MYO3B: variants seen among roughly 807,000 people sequenced by gnomAD.
MYO3B encodes myosin-IIIb.
Under a neutral mutation model 174.6 loss-of-function variants are expected in MYO3B, and 156 were observed. That is an observed-to-expected ratio of 0.89 (90% CI 0.78 to 1.02). The LOEUF is 1.02. MYO3B is among the 50% of genes least tolerant of loss of function. The probability of loss-of-function intolerance (pLI) is 0.00; values close to 1 mark genes in which losing one functional copy is unlikely to be tolerated. For synonymous variants in MYO3B, 563 were observed against 569.1 expected, an observed-to-expected ratio of 0.99 and a Z score of 0.15; for missense variants, 1,632 against 1,639.4, an observed-to-expected ratio of 1.00 and a Z score of 0.08.
At chr2:170,422,587 T>A (rs746658338) in intron 22 of MYO3B, among the ~76,000 whole-genome samples, 4 of 152,008 alleles carry the variant, frequency 2.6e-5, no homozygotes, top group South Asian at 2.1e-4. Flanking sequence ...GCCTCCCAAG[T>A]GGCCAGGATT....
chr2:170,422,977 C>CTTTTTTTTTTTTTTTTTT (rs34882424), intron 22 of MYO3B, among the ~76,000 whole-genome samples: 13 of 88,506 alleles, frequency 1.5e-4, no homozygotes, highest in South Asian at 4.2e-4. Context: ...TTCTTTCTTT[C>CTTTTTTTTTTTTTTTTTT]TTTTTTTTTT....
At chr2:170,192,950 T>C (rs986800195) in intron 1 of MYO3B, among the ~76,000 whole-genome samples, 2 of 151,786 alleles carry the variant, frequency 1.3e-5, no homozygotes, top group Non-Finnish European at 2.9e-5. Context: ...GCTTAATGTA[T>C]TCCTTATTTT....
intron 32 of MYO3B, among the ~76,000 whole-genome samples, chr2:170,584,859 T>G (rs78342729): frequency 0.013 from 1,978 of 152,362 alleles, 42 homozygotes; most frequent in African/African-American, 0.045. Context: ...TGAAATAAAT[T>G]TTCAGTAGAC....
At chr2:170,488,802 C>A (rs1483519703) in intron 25 of MYO3B, among the ~76,000 whole-genome samples, 1 of 152,192 alleles carries the variant, frequency 6.6e-6, no homozygotes, top group Non-Finnish European at 1.5e-5. Flanking sequence ...CTCTAATAAT[C>A]TGATAACTCA....
intron 25 of MYO3B, among the ~76,000 whole-genome samples, chr2:170,487,028 C>T (rs1686111431): frequency 6.6e-6 from 1 of 152,192 alleles, no homozygotes; most frequent in Non-Finnish European, 1.5e-5. Context: ...TCCCAAGGTC[C>T]AGCCCCAGAG....
intron 23 of MYO3B, among the ~76,000 whole-genome samples, chr2:170,447,599 A>G (rs1352652034): frequency 6.6e-6 from 1 of 152,222 alleles, no homozygotes; most frequent in Non-Finnish European, 1.5e-5. Context: ...TCAGACTTTT[A>G]TTTTATAAGT....
intron 6 of MYO3B, among the ~76,000 whole-genome samples, chr2:170,220,978 C>CT (rs917244429): frequency 2.6e-5 from 4 of 152,160 alleles, no homozygotes; most frequent in African/African-American, 9.7e-5. Context: ...AACAAAGTCT[C>CT]TTTTTGCGCC....
intron 7 of MYO3B, among the ~76,000 whole-genome samples, chr2:170,279,610 T>G (rs2093491184): frequency 6.6e-6 from 1 of 152,114 alleles, no homozygotes; most frequent in Non-Finnish European, 1.5e-5. Context: ...CTTCTCTCCC[T>G]CCTCCCACCC....
intron 14 of MYO3B, among the ~76,000 whole-genome samples, chr2:170,387,737 T>C (rs36032489): frequency 0.31 from 47,794 of 151,974 alleles, 8,723 homozygotes; most frequent in Non-Finnish European, 0.42. Context: ...GTAATAGAAA[T>C]CAATAGCACA....
intron 8 of MYO3B, among the ~76,000 whole-genome samples, chr2:170,364,924 G>A (rs2094186958): frequency 6.6e-6 from 1 of 152,208 alleles, no homozygotes; most frequent in Non-Finnish European, 1.5e-5. Flanking sequence ...GAAGGTCAGT[G>A]TTCTGGTGGC....
At chr2:170,576,780 T>C (rs1172867232) in intron 32 of MYO3B, among the ~76,000 whole-genome samples, 1 of 152,214 alleles carries the variant, frequency 6.6e-6, no homozygotes, top group Non-Finnish European at 1.5e-5. Context: ...TATGATCTCT[T>C]AGCAGGGACC....
chr2:170,433,970 C>T (rs998998723), intron 22 of MYO3B, among the ~76,000 whole-genome samples: 33 of 152,120 alleles, frequency 2.2e-4, no homozygotes, highest in African/African-American at 7.2e-4. Context: ...TTGATATTAA[C>T]GTGAAAGCTG....
At chr2:170,613,585 A>G (rs1695255049) in intron 32 of MYO3B, among the ~76,000 whole-genome samples, 1 of 152,200 alleles carries the variant, frequency 6.6e-6, no homozygotes, top group Non-Finnish European at 1.5e-5. Context: ...ACTGAGTGTC[A>G]ACTTGACTGG....
intron 23 of MYO3B, among the ~76,000 whole-genome samples, chr2:170,445,062 T>C (rs2094830312): frequency 6.6e-6 from 1 of 152,220 alleles, no homozygotes; most frequent in South Asian, 2.1e-4. Context: ...ACGGGGTCAA[T>C]ACTTAGGCCA....
intron 32 of MYO3B, among the ~76,000 whole-genome samples, chr2:170,615,270 A>G (rs1201658212): frequency 6.6e-6 from 1 of 152,256 alleles, no homozygotes; most frequent in Non-Finnish European, 1.5e-5. Flanking sequence ...GCACTGAAGG[A>G]AAAGCTGTAA....
intron 24 of MYO3B, among the ~76,000 whole-genome samples, chr2:170,464,986 C>T (rs2118675): frequency 0.45 from 68,615 of 151,510 alleles, 18,477 homozygotes; most frequent in Non-Finnish European, 0.6. Flanking sequence ...CCTGCGTCAG[C>T]CTCCCACGTA....
At chr2:170,215,437 A>G (rs2092817133) in intron 5 of MYO3B, among the ~76,000 whole-genome samples, 1 of 152,190 alleles carries the variant, frequency 6.6e-6, no homozygotes, top group Non-Finnish European at 1.5e-5. Flanking sequence ...TCACAAAACA[A>G]CAAACCATTT....
chr2:170,315,663 T>C (rs72891313), intron 7 of MYO3B, among the ~76,000 whole-genome samples: 43,780 of 152,188 alleles, frequency 0.29, 6,692 homozygotes, highest in South Asian at 0.39. Flanking sequence ...GTTTACTTCA[T>C]GTTTGACAGT....
chr2:170,563,752 C>G (rs78151907), intron 32 of MYO3B, among the ~76,000 whole-genome samples: 3 of 152,164 alleles, frequency 2.0e-5, no homozygotes, highest in African/African-American at 7.2e-5. Flanking sequence ...GCAATTCTCT[C>G]CACTTTTTCT....
Sources: gnomAD v4.1 joint callset for allele counts (sites outside exome capture counted in the v4.1 genomes callset) on GRCh38, gnomAD v4.1.1 for gene constraint, MANE v1.5 for transcripts, NCBI Gene and HGNC (gene_info 2026-07-23, HGNC 2026-07-21) for gene names.